The following GRK7 variants were observed in gnomAD, a reference collection of about 807,000 sequenced individuals.
GRK7 encodes the protein G protein-coupled receptor kinase 7, also known as rhodopsin kinase GRK7.
GRK7 carries 24 observed loss-of-function variants against 34.1 expected under a neutral mutation model. The observed-to-expected ratio is 0.70, with a 90% CI of 0.51 to 0.99. The LOEUF is 0.99. Ranked by LOEUF, GRK7 falls within the 50% of genes least tolerant of loss-of-function variation. The pLI, the probability that GRK7 is intolerant of heterozygous loss-of-function variation, is 0.00. For synonymous variants in GRK7, 256 were observed against 279.4 expected (o/e 0.92, Z 0.84); for missense variants, 644 against 707.3 (o/e 0.91, Z 1.02).
At chr3:141,799,328 C>G (rs1710926384) in intron 4 of GRK7, among the ~76,000 whole-genome samples, 1 of 152,056 alleles carries the variant, frequency 6.6e-6, no homozygotes, top group Non-Finnish European at 1.5e-5. Flanking sequence ...AAAGCGCAGG[C>G]CAGGGCAGGC....
At chr3:141,776,533 C>G (rs2084640066) in intron 2 of GRK7, among the ~76,000 whole-genome samples, 1 of 152,156 alleles carries the variant, frequency 6.6e-6, no homozygotes, top group Non-Finnish European at 1.5e-5. Flanking sequence ...TCAAAGCAGA[C>G]AGCATGGTTC....
At chr3:141,760,344 C>G (rs1463401852), upstream of GRK7, among the ~76,000 whole-genome samples, 1 of 138,112 alleles carries the variant, frequency 7.2e-6, no homozygotes, top group African/African-American at 2.8e-5. Flanking sequence ...CAAAGAACAT[C>G]TTTATTTCTG....
chr3:141,803,211 G>C (rs370792062), intron 4 of GRK7, among the ~76,000 whole-genome samples: 1 of 149,802 alleles, frequency 6.7e-6, no homozygotes, highest in South Asian at 2.1e-4. Context: ...TGGATCACCT[G>C]AGGTCAGGAG....
Position 141,794,503 on chromosome 3 carries a change from G to A in GRK7, c.1051-13142G>A, listed in dbSNP as rs572344113. Among the ~76,000 whole-genome samples, 15 of 152,392 alleles carry A rather than the reference G, an allele frequency of 9.8e-5. 1 individual carries two copies. Among genetic ancestry groups the A allele is most frequent in the African/African-American group, 3.6e-4 (15 of 41,602 alleles). On this transcript the variant is annotated intron_variant, in intron 4 of 5. Transcript: ENST00000682958. Reference sequence around the variant, plus strand: ...GAAATGTGGTTCAAATGAAGATGGAGAGGTGGCAGGGGCCAGACGGAACCT... The same window carrying A: ...GAAATGTGGTTCAAATGAAGATGGAAAGGTGGCAGGGGCCAGACGGAACCT...
At chr3:141,762,143 G>A (rs1284335945), upstream of GRK7, among the ~76,000 whole-genome samples, 2 of 150,096 alleles carry the variant, frequency 1.3e-5, no homozygotes, top group African/African-American at 4.9e-5. Flanking sequence ...ATCCAGCTTT[G>A]TTCCATTGCT....
chr3:141,806,315 C>T (rs1030860621), intron 4 of GRK7, among the ~76,000 whole-genome samples: 1 of 152,212 alleles, frequency 6.6e-6, no homozygotes, highest in East Asian at 1.9e-4. Flanking sequence ...GTAATCTCAG[C>T]ACTTTGGGAG....
chr3:141,795,824 G>C (rs532651015), intron 4 of GRK7, among the ~76,000 whole-genome samples: 1 of 152,186 alleles, frequency 6.6e-6, no homozygotes, highest in Admixed American at 6.5e-5. Context: ...GAAGGAGTTA[G>C]AATGAGCACA....
intron 5 of GRK7, among the ~76,000 whole-genome samples, chr3:141,808,638 A>G (rs183053583): frequency 6.6e-6 from 1 of 152,204 alleles, no homozygotes; most frequent in African/African-American, 2.4e-5. Flanking sequence ...GCTTGAACCC[A>G]GGGAGCAGAG....
intron 5 of GRK7, among the ~76,000 whole-genome samples, chr3:141,810,327 C>CCTCT (rs775463520): frequency 4.4e-5 from 1 of 22,988 alleles, no homozygotes; most frequent in East Asian, 7.4e-4. Flanking sequence ...TTCCTCTCTC[C>CCTCT]CTCTCTCTCT....
intron 4 of GRK7, among the ~76,000 whole-genome samples, chr3:141,786,239 A>G (rs1189656954): frequency 6.6e-6 from 1 of 152,186 alleles, no homozygotes; most frequent in African/African-American, 2.4e-5. Flanking sequence ...GCCCCAGGAA[A>G]AAAATATTGA....
intron 4 of GRK7, among the ~76,000 whole-genome samples, chr3:141,802,365 G>GACACACACAC (rs1577923831): frequency 2.0e-4 from 7 of 34,220 alleles, no homozygotes; most frequent in Middle Eastern, 0.021. Context: ...CTCTTTCTCT[G>GACACACACAC]TCACACACAC....
intron 5 of GRK7, among the ~76,000 whole-genome samples, chr3:141,810,900 C>T (rs1037192260): frequency 6.6e-5 from 10 of 152,154 alleles, no homozygotes; most frequent in Non-Finnish European, 1.2e-4. Flanking sequence ...TCATGATCTT[C>T]AAGTTCAGTG....
chr3:141,810,705 C>T (rs945396798), intron 5 of GRK7, among the ~76,000 whole-genome samples: 7 of 151,922 alleles, frequency 4.6e-5, no homozygotes, highest in African/African-American at 1.2e-4. Flanking sequence ...TTAGTAGAGA[C>T]GGGGTTTCAC....
rs1559840529 is a variant in GRK7 at position 141,778,814 on chromosome 3, A to C, written c.530A>C (p.Gln177Pro). 1.2e-6 allele frequency: 2 copies of C among 1,610,870 alleles called. No individual in the cohort carries two copies. The highest frequency in any genetic ancestry group is 2.7e-5 in the African/African-American group (2 of 74,980). Reference protein sequence around the residue: ...VTSAFYDKFLQWKLFEMQPVS... With the variant: ...VTSAFYDKFLPWKLFEMQPVS... ...AGCGCCTTCTACGACAAGTTTCTGC[A>C]GTGGAAACTCTTCGAGATGCAACCA... Residue 177 changes from glutamine (Q) to proline (P), a missense_variant, in exon 3 of 6, where the codon CAG becomes CCG. Gln to Pro is a moderately conservative substitution (Grantham distance 76). Transcript: ENST00000682958. This position sits in a 1 kb window ranked among gnomAD's most constrained non-coding sequence, Gnocchi z 4.1.
intron 4 of GRK7, among the ~76,000 whole-genome samples, chr3:141,805,156 C>A (rs1711017643): frequency 6.6e-6 from 1 of 152,064 alleles, no homozygotes; most frequent in Admixed American, 6.6e-5. Context: ...ACCCCGTGGG[C>A]CCCCCTGCGC....
intron 4 of GRK7, among the ~76,000 whole-genome samples, chr3:141,794,563 C>T (rs1251731502): frequency 6.6e-6 from 1 of 152,196 alleles, no homozygotes; most frequent in Admixed American, 6.5e-5. Context: ...TTTGGGTGAT[C>T]GTCTCTGATC....
chr3:141,771,155 A>G (rs914120266), intron 1 of GRK7, among the ~76,000 whole-genome samples: 1 of 152,230 alleles, frequency 6.6e-6, no homozygotes, highest in African/African-American at 2.4e-5. Context: ...AAAGATATGG[A>G]ATCAACCTAA....
rs147598665 is a variant in GRK7, at chr3:141,813,159, T to C, written c.1326-3555T>C. Among the ~76,000 whole-genome samples, 552 of 152,352 alleles carry C rather than the reference T, an allele frequency of 3.6e-3. 4 individuals carry two copies. Among genetic ancestry groups the C allele is most frequent in the African/African-American group, 0.012 (498 of 41,582 alleles). On this transcript the variant is annotated intron_variant, in intron 5 of 5. Coordinates refer to ENST00000682958, the MANE Select transcript of GRK7 (RefSeq NM_139209.3). ...GTTTTGTTTTATGAGAGAGTCTTGC[T>C]CTGTCACCCAGGCTGGACTGCAATG... is the stretch of plus-strand genomic sequence containing the variant.
intron 4 of GRK7, among the ~76,000 whole-genome samples, chr3:141,801,484 A>G (rs1577923519): frequency 6.6e-6 from 1 of 152,146 alleles, no homozygotes; most frequent in Non-Finnish European, 1.5e-5. Context: ...TATAAAAGAG[A>G]TTTAAGAGAC....
Sources: gnomAD v4.1 joint callset for allele counts (sites outside exome capture counted in the v4.1 genomes callset) on GRCh38, gnomAD v4.1.1 for gene constraint, Gnocchi (gnomAD v3.1) non-coding constraint, MANE v1.5 for transcripts, NCBI Gene and HGNC (gene_info 2026-07-23, HGNC 2026-07-21) for gene names.